Variants in RBPJ observed in about 807,000 individuals in gnomAD.
The protein encoded by RBPJ is recombining binding protein suppressor of hairless.
Under a neutral mutation model 67.8 loss-of-function variants are expected in RBPJ, and 9 were observed. That is an observed-to-expected ratio of 0.13 (90% CI 0.08 to 0.23). The LOEUF (loss-of-function observed/expected upper bound fraction) is 0.23, where lower values mean the gene tolerates loss of function less well. Among genes scored for constraint, RBPJ ranks in the 10% least tolerant of loss-of-function variants. The pLI is 1.00. For synonymous variants in RBPJ, 198 were observed against 203.3 expected (o/e 0.97, Z 0.22); for missense variants, 305 against 595.6 (o/e 0.51, Z 5.08).
At chr4:26,157,787 T>G in the RBPJ span, among the ~76,000 whole-genome samples, 4 of 152,208 alleles carry the variant, frequency 2.6e-5, no homozygotes, top group African/African-American at 9.6e-5. Flanking sequence ...CTGCCCTCTC[T>G]TGCTTCCCTG....
At chr4:26,260,517 A>C (rs1279500042) in intron 1 of RBPJ, among the ~76,000 whole-genome samples, 1 of 152,150 alleles carries the variant, frequency 6.6e-6, no homozygotes, top group Non-Finnish European at 1.5e-5. Context: ...ATATAAAAAA[A>C]AAGCAACTGT....
At chr4:26,263,016 A>C (rs1343660662) in intron 1 of RBPJ, among the ~76,000 whole-genome samples, 2 of 152,168 alleles carry the variant, frequency 1.3e-5, no homozygotes, top group Non-Finnish European at 2.9e-5. Context: ...GATCCCAGTT[A>C]ACCACCACCC....
At chr4:26,126,744 G>A in the RBPJ span, among the ~76,000 whole-genome samples, 1 of 152,286 alleles carries the variant, frequency 6.6e-6, no homozygotes, top group African/African-American at 2.4e-5. Flanking sequence ...CCCTCCTAAT[G>A]CAAAAATGAT....
chr4:26,303,398 A>AGCC (rs1722141154), intron 1 of RBPJ, among the ~76,000 whole-genome samples: 1 of 143,468 alleles, frequency 7.0e-6, no homozygotes, highest in Non-Finnish European at 1.5e-5. Context: ...CCAGGAGTTC[A>AGCC]AGGCTACAGT....
chr4:26,383,646 C>T lies in RBPJ; in HGVS notation c.21-2707C>T, dbSNP rs141941604. Among the ~76,000 whole-genome samples, 21 of 152,228 alleles carry T rather than the reference C, an allele frequency of 1.4e-4. No individual in the cohort carries two copies. The East Asian group carries it at 4.1e-3, about 29-fold the overall frequency. ...TATCTTAAACTTTCTGGCTTTTGTA[C>T]ACTATTCTATATATAACCTTTAATG... is the stretch of plus-strand genomic sequence containing the variant. On this transcript the variant is annotated intron_variant, in intron 1 of 10. Coordinates refer to ENST00000355476, the MANE Select transcript of RBPJ (RefSeq NM_015874.6).
the RBPJ span, among the ~76,000 whole-genome samples, chr4:26,144,514 C>T: frequency 6.6e-6 from 1 of 152,088 alleles, no homozygotes; most frequent in Non-Finnish European, 1.5e-5. Context: ...AGGGGATCCA[C>T]CCACCTCAGC....
chr4:26,394,957 T>C (rs1036148680), intron 2 of RBPJ, among the ~76,000 whole-genome samples: 1 of 152,222 alleles, frequency 6.6e-6, no homozygotes, highest in African/African-American at 2.4e-5. Context: ...GTTCTCTCAC[T>C]AAGAATATTT....
intron 1 of RBPJ, among the ~76,000 whole-genome samples, chr4:26,195,336 T>C (rs1348496456): frequency 6.6e-6 from 1 of 152,164 alleles, no homozygotes; most frequent in East Asian, 1.9e-4. Context: ...CAGTTGTCCA[T>C]CAACTGGTGA....
intron 1 of RBPJ, among the ~76,000 whole-genome samples, chr4:26,243,937 A>G (rs907368489): frequency 1.3e-5 from 2 of 151,980 alleles, no homozygotes; most frequent in African/African-American, 4.8e-5. Flanking sequence ...CTACAAAAAA[A>G]TACAAACATT....
At chr4:26,149,868 T>G in the RBPJ span, among the ~76,000 whole-genome samples, 2 of 152,226 alleles carry the variant, frequency 1.3e-5, no homozygotes, top group Non-Finnish European at 2.9e-5. Context: ...TCTTCCCGAC[T>G]TTTCCTCCAG....
the RBPJ span, among the ~76,000 whole-genome samples, chr4:26,124,116 T>G: frequency 6.6e-6 from 1 of 152,008 alleles, no homozygotes; most frequent in African/African-American, 2.4e-5. Flanking sequence ...AATATGTTCC[T>G]TGGTGGCGAT....
chr4:26,325,168 G>T (rs1290578860), intron 1 of RBPJ, among the ~76,000 whole-genome samples: 2 of 152,132 alleles, frequency 1.3e-5, no homozygotes, highest in East Asian at 1.9e-4. Flanking sequence ...TAATTACTGA[G>T]AACTGATCAT....
At chr4:26,417,883 C>A (rs1217221020) in intron 4 of RBPJ, among the ~76,000 whole-genome samples, 1 of 152,164 alleles carries the variant, frequency 6.6e-6, no homozygotes, top group African/African-American at 2.4e-5. Context: ...ATATTCACTG[C>A]AACAAAATTC....
intron 1 of RBPJ, among the ~76,000 whole-genome samples, chr4:26,166,476 G>A (rs1433783924): frequency 6.8e-6 from 1 of 147,262 alleles, no homozygotes; most frequent in Non-Finnish European, 1.5e-5. Context: ...CAGTGATGAT[G>A]AGCATTTTTT....
intron 3 of RBPJ, among the ~76,000 whole-genome samples, chr4:26,407,437 G>C (rs1473271784): frequency 1.3e-5 from 2 of 152,096 alleles, no homozygotes; most frequent in East Asian, 3.8e-4. Context: ...TTACAACAAG[G>C]TGATTTTTAA....
chr4:26,160,953 A>G (rs1379099457), upstream of RBPJ, among the ~76,000 whole-genome samples: 1 of 152,310 alleles, frequency 6.6e-6, no homozygotes, highest in Admixed American at 6.5e-5. Context: ...TGGAGTACCA[A>G]ATACTAGCTC....
chr4:26,259,290 T>C (rs952890630), intron 1 of RBPJ, among the ~76,000 whole-genome samples: 3 of 152,208 alleles, frequency 2.0e-5, no homozygotes, highest in African/African-American at 7.2e-5. Context: ...CATTTTTTCA[T>C]TAAAGCTTTG....
chr4:26,360,209 A>T (rs1187525990), intron 1 of RBPJ, among the ~76,000 whole-genome samples: 3 of 152,246 alleles, frequency 2.0e-5, no homozygotes, highest in South Asian at 4.1e-4. Context: ...GGATATACCA[A>T]AAATCATTTT....
the RBPJ span, among the ~76,000 whole-genome samples, chr4:26,148,815 C>A: frequency 2.6e-5 from 4 of 152,222 alleles, no homozygotes; most frequent in Non-Finnish European, 4.4e-5. Flanking sequence ...AACCACAGGT[C>A]TGTTTCTACA....
Sources: allele counts gnomAD v4.1 joint callset (sites outside exome capture counted in the v4.1 genomes callset), GRCh38; gene constraint gnomAD v4.1.1; transcripts MANE v1.5; gene names NCBI Gene and HGNC (gene_info 2026-07-23, HGNC 2026-07-21).